LRRC4C: variants seen among roughly 807,000 people sequenced by gnomAD.
LRRC4C encodes leucine-rich repeat-containing protein 4C.
A neutral mutation model predicts 33.6 loss-of-function variants in LRRC4C; 5 were observed. The observed-to-expected ratio is 0.15, with a 90% CI of 0.08 to 0.31. LRRC4C has a LOEUF of 0.31. Ranked by LOEUF, LRRC4C falls within the 10% of genes least tolerant of loss-of-function variation. The pLI is 1.00. For synonymous variants in LRRC4C, 329 were observed against 302.0 expected, an observed-to-expected ratio of 1.09 and a Z score of -0.93; for missense variants, 560 against 796.7, an observed-to-expected ratio of 0.70 and a Z score of 3.58.
In LRRC4C at chr11:40,114,633, G is replaced by A; in HGVS notation, c.1660C>T (p.His554Tyr). 6.2e-7 allele frequency: 1 copy of A among 1,614,168 alleles called. No individual in the cohort carries two copies. Among genetic ancestry groups the A allele is most frequent in the Non-Finnish European group, 8.5e-7 (1 of 1,180,030 alleles). ...LVIFYKMRKQ[H>Y]HRQNHHAPTR... ...GGGGCGTGATGGTTTTGCCGATGGT[G>A]CTGCTTCCTCATCTTGTAGAAAATG... Residue 554 changes from histidine (H) to tyrosine (Y), a missense_variant, in exon 7 of 7, where the codon CAC becomes TAC. Coordinates refer to ENST00000528697, the MANE Select transcript of LRRC4C (RefSeq NM_001258419.2).
intron 1 of LRRC4C, among the ~76,000 whole-genome samples, chr11:41,000,109 G>A (rs1854271460): frequency 6.6e-6 from 1 of 152,128 alleles, no homozygotes. Flanking sequence ...TAGGCTCATA[G>A]TTCCCATGCC....
intron 5 of LRRC4C, among the ~76,000 whole-genome samples, chr11:40,155,064 G>T (rs973488500): frequency 6.6e-6 from 1 of 151,804 alleles, no homozygotes; most frequent in Non-Finnish European, 1.5e-5. Context: ...TTTAAAATAG[G>T]TGGAAATAAA....
At chr11:41,286,496 A>C (rs1949832103) in intron 1 of LRRC4C, among the ~76,000 whole-genome samples, 1 of 152,176 alleles carries the variant, frequency 6.6e-6, no homozygotes, top group Non-Finnish European at 1.5e-5. Context: ...TCAGGGACTC[A>C]CTGGGCTATA....
At chr11:40,389,532 A>G (rs1241371460) in intron 3 of LRRC4C, among the ~76,000 whole-genome samples, 8 of 152,222 alleles carry the variant, frequency 5.3e-5, no homozygotes, top group South Asian at 4.1e-4. Flanking sequence ...TTAAATATCT[A>G]GAAACTAGGA....
At chr11:40,493,811 A>G (rs937737766) in intron 3 of LRRC4C, among the ~76,000 whole-genome samples, 1 of 152,144 alleles carries the variant, frequency 6.6e-6, no homozygotes, top group Non-Finnish European at 1.5e-5. Context: ...TACCAGTTAG[A>G]AAGACCAAAT....
intron 4 of LRRC4C, among the ~76,000 whole-genome samples, chr11:40,313,901 C>G (rs2136781786): frequency 6.6e-6 from 1 of 152,130 alleles, no homozygotes; most frequent in South Asian, 2.1e-4. Flanking sequence ...GCGTGAGCCG[C>G]CGCGCCCGGC....
intron 4 of LRRC4C, among the ~76,000 whole-genome samples, chr11:40,261,146 G>T (rs2136258750): frequency 6.6e-6 from 1 of 152,224 alleles, no homozygotes; most frequent in East Asian, 1.9e-4. Flanking sequence ...GGGATTATAG[G>T]CATGAGTCTG....
At chr11:41,410,151 A>G (rs1349499630) in intron 1 of LRRC4C, among the ~76,000 whole-genome samples, 1 of 152,170 alleles carries the variant, frequency 6.6e-6, no homozygotes, top group Non-Finnish European at 1.5e-5. Context: ...TGGACCCAGT[A>G]GACAGTCGGG....
At chr11:40,582,966 A>G (rs1196971123) in intron 3 of LRRC4C, among the ~76,000 whole-genome samples, 2 of 152,136 alleles carry the variant, frequency 1.3e-5, no homozygotes, top group African/African-American at 2.4e-5. Flanking sequence ...TGTTGGTAAT[A>G]TTTCACATCT....
At chr11:40,950,124 G>T (rs1313463962) in intron 1 of LRRC4C, among the ~76,000 whole-genome samples, 2 of 152,018 alleles carry the variant, frequency 1.3e-5, no homozygotes, top group African/African-American at 4.8e-5. Context: ...CTATAGTGAG[G>T]TGTCCAAGGT....
At chr11:40,288,473 A>G (rs1943989517) in intron 4 of LRRC4C, among the ~76,000 whole-genome samples, 1 of 152,222 alleles carries the variant, frequency 6.6e-6, no homozygotes, top group Non-Finnish European at 1.5e-5. Context: ...AAGAATAACA[A>G]TTACTACAGT....
intron 1 of LRRC4C, among the ~76,000 whole-genome samples, chr11:40,990,936 A>G (rs993822970): frequency 2.0e-5 from 3 of 152,210 alleles, no homozygotes; most frequent in Admixed American, 1.3e-4. Context: ...AAAATTGTAC[A>G]GTTGATTTGT....
Position 41,118,572 on chromosome 11 carries a change from C to T in LRRC4C, c.-495-184849G>A, listed in dbSNP as rs548416492. On this transcript the variant is annotated intron_variant, in intron 1 of 6. Coordinates refer to ENST00000528697, the MANE Select transcript of LRRC4C (RefSeq NM_001258419.2). ...TCTATCAACCCTAAATTTCCCATTA[C>T]GATAGTCAATTCATTCGTTTCTCAA... Among the ~76,000 whole-genome samples the T allele has an allele frequency of 2.6e-4, 40 of 152,276 alleles. No individual in the cohort carries two copies. The South Asian group carries it at 4.8e-3, about 18-fold the overall frequency.
intron 4 of LRRC4C, among the ~76,000 whole-genome samples, chr11:40,304,087 G>A (rs910533596): frequency 6.6e-5 from 10 of 152,132 alleles, no homozygotes; most frequent in African/African-American, 2.4e-4. Context: ...GAGCCAAATT[G>A]CCAACATCAT....
intron 3 of LRRC4C, among the ~76,000 whole-genome samples, chr11:40,601,955 C>T (rs891992104): frequency 6.6e-6 from 1 of 151,840 alleles, no homozygotes; most frequent in Non-Finnish European, 1.5e-5. Context: ...CTTTGGAAGG[C>T]CAAGGCAGGC....
intron 1 of LRRC4C, among the ~76,000 whole-genome samples, chr11:41,355,383 G>T: frequency 6.6e-6 from 1 of 152,090 alleles, no homozygotes; most frequent in East Asian, 1.9e-4. Flanking sequence ...CCTAAAAAAT[G>T]TGAGGACATG....
At chr11:40,939,251 CAAT>C (rs1958038374) in intron 1 of LRRC4C, among the ~76,000 whole-genome samples, 1 of 152,048 alleles carries the variant, frequency 6.6e-6, no homozygotes, top group Non-Finnish European at 1.5e-5. Flanking sequence ...AAAGGTGGCA[CAAT>C]GACACTTCTG....
intron 2 of LRRC4C, among the ~76,000 whole-genome samples, chr11:40,917,458 A>G (rs1260069485): frequency 6.6e-6 from 1 of 152,158 alleles, no homozygotes; most frequent in Non-Finnish European, 1.5e-5. Flanking sequence ...AAATGATGTA[A>G]ATGGCCTCTA....
intron 2 of LRRC4C, among the ~76,000 whole-genome samples, chr11:40,691,684 A>G (rs966837022): frequency 6.6e-6 from 1 of 152,156 alleles, no homozygotes; most frequent in African/African-American, 2.4e-5. Context: ...CTCAGGTTAC[A>G]AATCTGAAGA....
Sources: gnomAD v4.1 joint callset for allele counts (sites outside exome capture counted in the v4.1 genomes callset) on GRCh38, gnomAD v4.1.1 for gene constraint, MANE v1.5 for transcripts, NCBI Gene and HGNC (gene_info 2026-07-23, HGNC 2026-07-21) for gene names.